GRIN3A: variants seen among roughly 807,000 people sequenced by gnomAD.
GRIN3A encodes glutamate receptor ionotropic, NMDA 3A.
GRIN3A carries 47 observed loss-of-function variants against 92.4 expected under a neutral mutation model. The observed-to-expected ratio is 0.51, with a 90% CI of 0.40 to 0.65. The LOEUF is 0.65. Ranked by LOEUF, GRIN3A falls within the 30% of genes least tolerant of loss-of-function variation. The pLI is 0.00. For missense variants in GRIN3A, 1,324 were observed against 1,393.1 expected (o/e 0.95, Z 0.79); for synonymous variants, 527 against 540.6 (o/e 0.97, Z 0.35).
chr9:101,649,317 G>A (rs28431465), intron 3 of GRIN3A, among the ~76,000 whole-genome samples: 13,506 of 151,952 alleles, frequency 0.089, 870 homozygotes, highest in East Asian at 0.22. Context: ...TCAGCCACAT[G>A]GTGTCTTTGC....
chr9:101,587,735 G>C (rs1827966948), intron 6 of GRIN3A, among the ~76,000 whole-genome samples: 1 of 152,120 alleles, frequency 6.6e-6, no homozygotes, highest in Non-Finnish European at 1.5e-5. Context: ...CAAATGCGAT[G>C]TTCAAGAATT....
In GRIN3A at chr9:101,652,361, G is replaced by A. The variant is rs1829025025; in HGVS notation, c.2352+17699C>T. ...AATAGGAAGGTCATCAAAGTGGCAT[G>A]GGCAGTTCTCATGTGGTGGTTTCCA... On this transcript the variant is annotated intron_variant, in intron 3 of 8. Coordinates refer to ENST00000361820, the MANE Select transcript of GRIN3A (RefSeq NM_133445.3). Among the ~76,000 whole-genome samples the A allele has an allele frequency of 2.0e-5, 3 of 151,956 alleles. No homozygotes were observed. The South Asian group carries it at 6.2e-4, about 31-fold the overall frequency.
intron 1 of GRIN3A, among the ~76,000 whole-genome samples, chr9:101,703,464 T>G (rs375815239): frequency 6.6e-6 from 1 of 152,204 alleles, no homozygotes; most frequent in East Asian, 1.9e-4. Context: ...ATCAAATGCA[T>G]ATTTTCTTTT....
chr9:101,696,260 C>A (rs1355946308), intron 1 of GRIN3A, among the ~76,000 whole-genome samples: 2 of 152,182 alleles, frequency 1.3e-5, no homozygotes, highest in Non-Finnish European at 2.9e-5. Flanking sequence ...TGTGAAAGTG[C>A]TTTATGAAGT....
At chr9:101,616,389 T>C (rs1828454226) in intron 5 of GRIN3A, among the ~76,000 whole-genome samples, 1 of 152,208 alleles carries the variant, frequency 6.6e-6, no homozygotes, top group Non-Finnish European at 1.5e-5. Flanking sequence ...CCAAACTCTT[T>C]TGTTTTCAGT....
intron 2 of GRIN3A, among the ~76,000 whole-genome samples, chr9:101,682,338 A>G (rs1285554375): frequency 7.3e-5 from 1 of 13,698 alleles, no homozygotes; most frequent in East Asian, 4.5e-4. Context: ...AAGTGTTCCT[A>G]TTTCTCCGCA....
At chr9:101,660,497 C>T (rs1175909930) in intron 3 of GRIN3A, among the ~76,000 whole-genome samples, 2 of 151,736 alleles carry the variant, frequency 1.3e-5, no homozygotes, top group African/African-American at 2.4e-5. Flanking sequence ...GGGGAGTTGC[C>T]ATTTGCTTAG....
chr9:101,601,872 C>T, intron 6 of GRIN3A, among the ~76,000 whole-genome samples: 1 of 152,134 alleles, frequency 6.6e-6, no homozygotes, highest in East Asian at 1.9e-4. Flanking sequence ...AACATGTCTG[C>T]AATGACCCTA....
At chr9:101,671,346 G>T (rs111640304) in intron 2 of GRIN3A, among the ~76,000 whole-genome samples, 45 of 152,294 alleles carry the variant, frequency 3.0e-4, no homozygotes, top group African/African-American at 1.1e-3. Context: ...CTAGCCAGGT[G>T]CTTGACTCTT....
intron 6 of GRIN3A, among the ~76,000 whole-genome samples, chr9:101,612,599 T>A (rs543133885): frequency 5.7e-4 from 86 of 149,660 alleles, no homozygotes; most frequent in African/African-American, 2.1e-3. Context: ...GGTGGGTTTG[T>A]TTTTTTTTTA....
At chr9:101,678,864 C>T (rs1829433563) in intron 2 of GRIN3A, among the ~76,000 whole-genome samples, 1 of 152,190 alleles carries the variant, frequency 6.6e-6, no homozygotes, top group South Asian at 2.1e-4. Context: ...GTTTTCTTCT[C>T]TGATATGTTA....
intron 6 of GRIN3A, among the ~76,000 whole-genome samples, chr9:101,583,616 A>T (rs1827916981): frequency 1.3e-5 from 2 of 152,168 alleles, no homozygotes; most frequent in Admixed American, 1.3e-4. Context: ...ACAAAATGAT[A>T]ATTGCAGCTG....
At chr9:101,585,783 C>A (rs1827944012) in intron 6 of GRIN3A, among the ~76,000 whole-genome samples, 1 of 152,210 alleles carries the variant, frequency 6.6e-6, no homozygotes, top group Non-Finnish European at 1.5e-5. Flanking sequence ...TTTTCCCTAA[C>A]CCCTTCTGTC....
At chr9:101,618,186 A>G (rs1265008847) in intron 5 of GRIN3A, among the ~76,000 whole-genome samples, 1 of 150,546 alleles carries the variant, frequency 6.6e-6, no homozygotes, top group Non-Finnish European at 1.5e-5. Flanking sequence ...AAATTGACAA[A>G]TGGGATCTAA....
intron 1 of GRIN3A, among the ~76,000 whole-genome samples, chr9:101,696,393 G>A (rs1472243888): frequency 2.0e-5 from 3 of 152,188 alleles, no homozygotes; most frequent in African/African-American, 7.2e-5. Context: ...GGATGTTAAA[G>A]CTAGATATAA....
chr9:101,637,854 A>G (rs1189380875), intron 3 of GRIN3A, among the ~76,000 whole-genome samples: 2 of 152,184 alleles, frequency 1.3e-5, no homozygotes, highest in East Asian at 1.9e-4. Flanking sequence ...TAGGCCCATA[A>G]TAAGTGTGAA....
intron 1 of GRIN3A, among the ~76,000 whole-genome samples, chr9:101,704,145 T>A (rs545722955): frequency 2.3e-5 from 3 of 129,094 alleles, no homozygotes; most frequent in African/African-American, 8.1e-5. Flanking sequence ...ATGAGACGTT[T>A]TAGCTGTTAT....
chr9:101,713,490 A>G (rs1355894181), intron 1 of GRIN3A, among the ~76,000 whole-genome samples: 6 of 152,218 alleles, frequency 3.9e-5, no homozygotes. Context: ...GTAAAAGATG[A>G]CTAGGTAGAG....
chr9:101,574,156 T>G (rs1362265513), intron 8 of GRIN3A, among the ~76,000 whole-genome samples: 1 of 152,168 alleles, frequency 6.6e-6, no homozygotes, highest in South Asian at 2.1e-4. Flanking sequence ...CTTGCTGGGA[T>G]AATGAAAGTC....
Sources: allele counts gnomAD v4.1 joint callset (sites outside exome capture counted in the v4.1 genomes callset), GRCh38; gene constraint gnomAD v4.1.1; transcripts MANE v1.5; gene names NCBI Gene and HGNC (gene_info 2026-07-23, HGNC 2026-07-21).